Variants in RBBP8 observed in about 807,000 individuals in gnomAD.
RBBP8 encodes RB binding protein 8, endonuclease, also known as DNA endonuclease RBBP8.
In RBBP8, 88 loss-of-function variants were observed where a neutral mutation model predicts 108.3. That is an observed-to-expected ratio of 0.81 (90% confidence interval 0.68 to 0.97). The LOEUF is 0.97. Ranked by LOEUF, RBBP8 falls within the 50% of genes least tolerant of loss-of-function variation. RBBP8 has a pLI of 0.00. For missense variants in RBBP8, 1,023 were observed against 1,049.0 expected (o/e 0.98, Z 0.34); for synonymous variants, 332 against 348.2 (o/e 0.95, Z 0.52).
chr18:22,997,641 G>A lies in RBBP8; in HGVS notation c.2050G>A (p.Gly684Arg), dbSNP rs1053551596. ...DTKDGSQSKL[G>R]GETVDMDCTL... ...TTAGGATGGCAGTCAGTCAAAATTA[G>A]GAGGAGAGACAGTGGACATGGACTG... The change falls in exon 14 of 19, where the codon GGA becomes AGA. Residue 684 changes from glycine (G) to arginine (R), a missense_variant. Coordinates refer to ENST00000327155, the MANE Select transcript of RBBP8 (RefSeq NM_002894.3). 6.2e-7 allele frequency: 1 copy of A among 1,606,106 alleles called. No homozygotes were observed. Among genetic ancestry groups the A allele is most frequent in the South Asian group, 1.1e-5 (1 of 89,912 alleles).
chr18:22,968,135 T>C (rs1293422602), intron 4 of RBBP8, among the ~76,000 whole-genome samples: 4 of 150,550 alleles, frequency 2.7e-5, no homozygotes, highest in African/African-American at 9.8e-5. Context: ...TGCAGTGGCA[T>C]GATCTCAGCT....
chr18:22,997,009 A>T (rs1046242350), intron 13 of RBBP8, among the ~76,000 whole-genome samples: 2 of 152,234 alleles, frequency 1.3e-5, no homozygotes, highest in Admixed American at 6.5e-5. Flanking sequence ...CATAAATTAA[A>T]ATAATGCAAA....
chr18:22,966,851 C>T (rs1456835924), intron 4 of RBBP8, among the ~76,000 whole-genome samples: 8 of 151,438 alleles, frequency 5.3e-5, no homozygotes, highest in Admixed American at 6.6e-5. Flanking sequence ...CTCAGCCTCC[C>T]GAGTAGCTGG....
chr18:23,020,028 C>T (rs1481864664), intron 17 of RBBP8, among the ~76,000 whole-genome samples: 9 of 151,820 alleles, frequency 5.9e-5, no homozygotes, highest in African/African-American at 2.2e-4. Context: ...TCCCAAAGTG[C>T]TGGGATTACA....
intron 18 of RBBP8, 149 bp downstream of exon 18, chr18:23,022,419 G>A (rs1404732656): frequency 4.3e-5 from 30 of 704,166 alleles, no homozygotes; most frequent in Non-Finnish European, 1.1e-5. Flanking sequence ...TGGCCAACAT[G>A]GTGAAGCCCC....
At chr18:23,001,515 A>G in intron 14 of RBBP8, 71 bp from the exon 15 acceptor site, 1 of 1,548,424 alleles carries the variant, frequency 6.5e-7, no homozygotes, top group Non-Finnish European at 8.9e-7. Flanking sequence ...GGTAGTTACT[A>G]CAGTTTCATG....
chr18:22,949,978 T>G (rs1911901238), intron 4 of RBBP8: 3 of 314,796 alleles, frequency 9.5e-6, no homozygotes, highest in Non-Finnish European at 1.8e-5. Flanking sequence ...TTCTAATTCA[T>G]TTAATGCTTT....
intron 2 of RBBP8, among the ~76,000 whole-genome samples, chr18:22,945,617 C>T (rs962317410): frequency 1.3e-5 from 2 of 152,052 alleles, no homozygotes; most frequent in Admixed American, 6.5e-5. Context: ...CTCTTGACCT[C>T]GGGTGATCTG....
intron 8 of RBBP8, 76 bp downstream of exon 8, chr18:22,985,066 C>T (rs979910196): frequency 6.2e-5 from 97 of 1,573,336 alleles, no homozygotes; most frequent in Admixed American, 1.1e-4. Context: ...CACAGTCTAA[C>T]TTAGACAATA....
intron 6 of RBBP8, among the ~76,000 whole-genome samples, chr18:22,980,930 A>G (rs1914872572): frequency 7.1e-6 from 1 of 141,192 alleles, no homozygotes; most frequent in East Asian, 2.3e-4. Context: ...TGGGCCTCCC[A>G]AAGTGCTGGA....
At chr18:22,927,232 G>A (rs1287417631) in intron 3 of RBBP8, among the ~76,000 whole-genome samples, 1 of 152,200 alleles carries the variant, frequency 6.6e-6, no homozygotes, top group Non-Finnish European at 1.5e-5. Flanking sequence ...TCATGTCAGA[G>A]ATACTAGAGA....
chr18:23,019,091 C>T (rs2046307306), intron 17 of RBBP8, among the ~76,000 whole-genome samples: 2 of 152,116 alleles, frequency 1.3e-5, no homozygotes, highest in Non-Finnish European at 2.9e-5. Flanking sequence ...GCAATACAAG[C>T]AAAAGCCTAT....
At chr18:23,025,852 C>T (rs931462093) in intron 18 of RBBP8, among the ~76,000 whole-genome samples, 1 of 152,110 alleles carries the variant, frequency 6.6e-6, no homozygotes, top group Non-Finnish European at 1.5e-5. Flanking sequence ...ATTTAACTTC[C>T]TTGGGTCTCT....
At chr18:22,985,378 G>C (rs1302724559) in intron 8 of RBBP8, among the ~76,000 whole-genome samples, 2 of 152,136 alleles carry the variant, frequency 1.3e-5, no homozygotes, top group Non-Finnish European at 2.9e-5. Context: ...GAAAAGTAAA[G>C]CAGGGTAAGA....
At chr18:22,926,639 T>A (rs1443411255) in intron 3 of RBBP8, among the ~76,000 whole-genome samples, 1 of 152,150 alleles carries the variant, frequency 6.6e-6, no homozygotes. Flanking sequence ...GTGAATGATG[T>A]TTAAAAACAA....
Position 22,993,194 on chromosome 18 carries a change from A to G in RBBP8, c.1367A>G (p.His456Arg), listed in dbSNP as rs139743319. Residue 456 changes from histidine to arginine, a missense_variant, in exon 11 of 19, where the codon CAT (histidine) becomes CGT (arginine). Physicochemically the swap from His to Arg is conservative, Grantham distance 29. Transcript: ENST00000327155. ...KRKKTEEESE[H>R]EVSCPQASFD... ...AAGAAAACTGAGGAAGAAAGTGAAC[A>G]TGAAGTAAGCTGCCCCCAAGCTTCT... is the stretch of plus-strand genomic sequence containing the variant. 2.0e-3 allele frequency: 3,168 copies of G among 1,614,200 alleles called. 5 individuals carry two copies. Among genetic ancestry groups the G allele is most frequent in the Non-Finnish European group, 2.4e-3 (2,807 of 1,180,038 alleles).
At chr18:22,946,420 A>G (rs1911565879) in intron 2 of RBBP8, 24 bp from the exon 3 acceptor site, 2 of 1,611,310 alleles carry the variant, frequency 1.2e-6, no homozygotes, top group Non-Finnish European at 1.7e-6. Context: ...TGTAGAAGTA[A>G]TACCTTTTCT....
intron 3 of RBBP8, among the ~76,000 whole-genome samples, chr18:22,948,678 T>C (rs1436597655): frequency 9.2e-5 from 14 of 152,186 alleles, no homozygotes; most frequent in Non-Finnish European, 1.9e-4. Flanking sequence ...ACAATCATTT[T>C]GACATCTACT....
intron 8 of RBBP8, among the ~76,000 whole-genome samples, chr18:22,987,626 G>C (rs957077988): frequency 6.6e-6 from 1 of 152,080 alleles, no homozygotes. Context: ...GCTGATATTT[G>C]TATTTTTGTA....
Sources: allele counts gnomAD v4.1 joint callset (sites outside exome capture counted in the v4.1 genomes callset), GRCh38; gene constraint gnomAD v4.1.1; transcripts MANE v1.5; gene names NCBI Gene and HGNC (gene_info 2026-07-23, HGNC 2026-07-21).